Variants in EBF3 observed in about 807,000 individuals in gnomAD.
EBF3 encodes EBF transcription factor 3.
Under a neutral mutation model 77.1 loss-of-function variants are expected in EBF3, and 18 were observed. The observed-to-expected ratio is 0.23, with a 90% CI of 0.16 to 0.35. The LOEUF is 0.35. Among genes scored for constraint, EBF3 ranks in the 10% least tolerant of loss-of-function variants. EBF3 has a pLI of 1.00. For missense variants in EBF3, 558 were observed against 860.0 expected (o/e 0.65, Z 4.39); for synonymous variants, 350 against 343.5 (o/e 1.02, Z -0.21).
chr10:129,931,593 C>T (rs1190946621), intron 6 of EBF3, among the ~76,000 whole-genome samples: 2 of 152,260 alleles, frequency 1.3e-5, no homozygotes, highest in Non-Finnish European at 2.9e-5. Context: ...AGGGCAAGGC[C>T]ATGGTCTGAT....
rs1859733942 is a variant in EBF3 at position 129,963,860 on chromosome 10, G to T, written c.-92C>A. On this transcript the variant is annotated 5_prime_UTR_variant, in exon 1 of 17. Transcript: ENST00000440978. This position sits in a 1 kb window ranked among gnomAD's most constrained non-coding sequence, Gnocchi z 7.1. ...TTGGCGGCAGGCGGCTGCCCTGGCC[G>T]CCCTCGCCCTGCTCGGCGCCTGCGG... is the stretch of plus-strand genomic sequence containing the variant. The T allele has an allele frequency of 1.5e-6, 2 of 1,313,182 alleles. No individual in the cohort carries two copies. Among genetic ancestry groups the T allele is most frequent in the East Asian group, 8.0e-5 (2 of 25,062 alleles). The allele number at this position is 1,313,182 out of a possible 1,614,324, so 81.3% of individuals were successfully genotyped here.
chr10:129,933,936 G>A (rs571687116), intron 6 of EBF3, among the ~76,000 whole-genome samples: 4 of 152,134 alleles, frequency 2.6e-5, no homozygotes, highest in Admixed American at 6.5e-5. Context: ...GCAGCTTCAC[G>A]GTCCCAGAGA....
At chr10:129,846,119 T>TGTGG (rs1207807937) in intron 11 of EBF3, among the ~76,000 whole-genome samples, 3 of 101,924 alleles carry the variant, frequency 2.9e-5, no homozygotes, top group Non-Finnish European at 6.3e-5. Flanking sequence ...TGTGTGTGTG[T>TGTGG]GTGTGTGTGT....
In EBF3 at chr10:129,943,791, G is replaced by A. The variant is rs972411619; in HGVS notation, c.554+13467C>T. Among the ~76,000 whole-genome samples the A allele has an allele frequency of 2.0e-5, 3 of 152,146 alleles. No individual in the cohort carries two copies. The highest frequency in any genetic ancestry group is 7.2e-5 in the African/African-American group (3 of 41,430). On this transcript the variant is annotated intron_variant, in intron 6 of 16. Coordinates refer to ENST00000440978, the MANE Select transcript of EBF3 (RefSeq NM_001375380.1). This position sits in a 1 kb window ranked among gnomAD's most constrained non-coding sequence, Gnocchi z 8.8. ...GAAACAAAGATTCAGTCTCTTTAAG[G>A]TTTTTGGGCTTGATCCTTTTGAGCA...
Position 129,873,467 on chromosome 10 carries a change from A to G in EBF3, c.766T>C (p.Ser256Pro). ...RLDPSEGTAP[S>P]YLENATPCIK... ...ATGTGCCTACCATTTTCCAGATAAG[A>G]AGGGGCCGTACCTTCTGACGGGTCT... is the stretch of plus-strand genomic sequence containing the variant. Residue 256 changes from serine to proline, a missense_variant, in exon 8 of 17, where the codon TCT (serine) becomes CCT (proline). Physicochemically the swap from Ser to Pro is moderately conservative, Grantham distance 74. Transcript: ENST00000440978. 1 of 1,538,646 alleles carries G rather than the reference A, an allele frequency of 6.5e-7. No homozygotes were observed. Among genetic ancestry groups the G allele is most frequent in the Non-Finnish European group, 8.8e-7 (1 of 1,141,572 alleles).
chr10:129,890,316 C>T (rs1291808639), intron 6 of EBF3, among the ~76,000 whole-genome samples: 1 of 152,214 alleles, frequency 6.6e-6, no homozygotes, highest in African/African-American at 2.4e-5. Context: ...GCCGAGACCC[C>T]AGGCGGCAGG....
intron 10 of EBF3, among the ~76,000 whole-genome samples, chr10:129,865,845 G>A (rs1033019843): frequency 1.3e-5 from 2 of 152,202 alleles, no homozygotes; most frequent in Non-Finnish European, 2.9e-5. Flanking sequence ...AGAGGACTGT[G>A]TCCCATTGGG....
At chr10:129,942,808 T>C (rs1439335003) in intron 6 of EBF3, among the ~76,000 whole-genome samples, 1 of 152,158 alleles carries the variant, frequency 6.6e-6, no homozygotes, top group Admixed American at 6.5e-5. Context: ...AACTGACTTT[T>C]AAAAACCAGG....
chr10:129,956,363 A>G (rs557777080), intron 6 of EBF3, among the ~76,000 whole-genome samples: 7 of 152,338 alleles, frequency 4.6e-5, no homozygotes, highest in African/African-American at 1.7e-4. Context: ...ACATTTATTC[A>G]ATTTGGGTAC....
rs1161532955 is a variant in EBF3 at position 129,836,268 on chromosome 10, T to A, written c.*1675A>T. On this transcript the variant is annotated 3_prime_UTR_variant, in exon 17 of 17. Transcript: ENST00000440978. ...AGAAAAGTTAATGTGGCAAACATTT[T>A]AATTAAAACATCAGAAGTAAATTTT... 1 of 152,632 alleles carries A rather than the reference T, an allele frequency of 6.6e-6. No individual in the cohort carries two copies. Among genetic ancestry groups the A allele is most frequent in the Non-Finnish European group, 1.5e-5 (1 of 68,036 alleles). The allele number at this position is 152,632 out of a possible 1,614,324, so 9.5% of individuals were successfully genotyped here.
intron 6 of EBF3, among the ~76,000 whole-genome samples, chr10:129,916,042 G>A (rs1352464601): frequency 1.1e-4 from 16 of 152,210 alleles, no homozygotes; most frequent in Admixed American, 1.0e-3. Flanking sequence ...AAATTCAATG[G>A]GGTCCCACAG....
intron 11 of EBF3, among the ~76,000 whole-genome samples, chr10:129,846,856 G>A (rs914192777): frequency 6.8e-6 from 1 of 147,622 alleles, no homozygotes; most frequent in Non-Finnish European, 1.5e-5. Context: ...TAACTGATCT[G>A]TCACCCTGCT....
At chr10:129,839,728 C>T (rs987994682) in intron 15 of EBF3, among the ~76,000 whole-genome samples, 4 of 152,316 alleles carry the variant, frequency 2.6e-5, no homozygotes, top group Middle Eastern at 3.4e-3. Flanking sequence ...CTCGGGACAA[C>T]GAGGGTAGCA....
chr10:129,915,813 G>C (rs1855850559), intron 6 of EBF3, among the ~76,000 whole-genome samples: 1 of 152,346 alleles, frequency 6.6e-6, no homozygotes, highest in East Asian at 1.9e-4. Context: ...ATTCTCAGCT[G>C]AATGAAGATG....
intron 11 of EBF3, among the ~76,000 whole-genome samples, chr10:129,846,242 C>A (rs1348480335): frequency 1.3e-5 from 2 of 151,638 alleles, no homozygotes; most frequent in African/African-American, 2.4e-5. Flanking sequence ...TCAAGCCAAC[C>A]CCCCTCTCTC....
chr10:129,913,530 C>T (rs1479701506), intron 6 of EBF3, among the ~76,000 whole-genome samples: 3 of 152,282 alleles, frequency 2.0e-5, no homozygotes, highest in Non-Finnish European at 2.9e-5. Flanking sequence ...TTCCGGGGAA[C>T]GGCCGGCAGA....
In EBF3 at chr10:129,867,906, G is replaced by A. The variant is rs1199226747; in HGVS notation, c.788C>T (p.Pro263Leu). The A allele has an allele frequency of 5.0e-6, 8 of 1,614,070 alleles. No individual in the cohort carries two copies. Among genetic ancestry groups the A allele is most frequent in the South Asian group, 1.1e-5 (1 of 91,082 alleles). ...TAPSYLENAT[P>L]CIKAISPSEG... ...ACTGGGACTGATGGCCTTGATGCACGGAGTGGCTGCTCACACAAGACAGAG... is the reference window on the plus strand; with the variant it reads ...ACTGGGACTGATGGCCTTGATGCACAGAGTGGCTGCTCACACAAGACAGAG... The change falls in exon 9 of 17, where the codon CCG (proline) becomes CTG (leucine). Residue 263 changes from proline (P) to leucine (L), a missense_variant. Physicochemically the swap from Pro to Leu is moderately conservative, Grantham distance 98. Coordinates refer to ENST00000440978, the MANE Select transcript of EBF3 (RefSeq NM_001375380.1).
chr10:129,922,486 C>T (rs1449235319), intron 6 of EBF3, among the ~76,000 whole-genome samples: 1 of 152,230 alleles, frequency 6.6e-6, no homozygotes, highest in Non-Finnish European at 1.5e-5. Context: ...CTTGGTCCTC[C>T]CTATACCCCA....
At chr10:129,957,351 T>C (rs1463545390) in intron 5 of EBF3, 25 bp from the exon 6 acceptor site, 1 of 1,571,766 alleles carries the variant, frequency 6.4e-7, no homozygotes, top group African/African-American at 1.4e-5. Context: ...TAAACAGTGG[T>C]TTTAATATGC....
Sources: allele counts gnomAD v4.1 joint callset (sites outside exome capture counted in the v4.1 genomes callset), GRCh38; gene constraint gnomAD v4.1.1; non-coding constraint Gnocchi (gnomAD v3.1); transcripts MANE v1.5; gene names NCBI Gene and HGNC (gene_info 2026-07-23, HGNC 2026-07-21).